BTBD16: variants seen among roughly 807,000 people sequenced by gnomAD.
BTBD16 encodes BTB domain containing 16.
BTBD16 carries 66 observed loss-of-function variants against 67.4 expected under a neutral mutation model. The ratio of observed to expected loss-of-function variants is 0.98; its 90% CI spans 0.80 to 1.20. BTBD16 has a LOEUF of 1.20. BTBD16 is among the 50% of genes most tolerant of loss of function. The pLI is 0.00. For synonymous variants in BTBD16, 242 were observed against 236.4 expected, an observed-to-expected ratio of 1.02 and a Z score of -0.22; for missense variants, 634 against 616.0, an observed-to-expected ratio of 1.03 and a Z score of -0.31.
intron 7 of BTBD16, among the ~76,000 whole-genome samples, chr10:122,292,676 T>G (rs1283259055): frequency 6.6e-6 from 1 of 152,230 alleles, no homozygotes; most frequent in Non-Finnish European, 1.5e-5. Flanking sequence ...AAGGACAACT[T>G]CTTAGGCTCC....
At chr10:122,305,770 A>G (rs925728637) in intron 9 of BTBD16, among the ~76,000 whole-genome samples, 1 of 152,150 alleles carries the variant, frequency 6.6e-6, no homozygotes, top group African/African-American at 2.4e-5. Flanking sequence ...CCCTGTGTCT[A>G]TTGTTCCCTT....
chr10:122,290,725 A>G (rs2096372373), intron 6 of BTBD16, among the ~76,000 whole-genome samples: 1 of 152,114 alleles, frequency 6.6e-6, no homozygotes, highest in South Asian at 2.1e-4. Context: ...TCCAGAAAAA[A>G]AAAATACACG....
chr10:122,330,785 C>T (rs2096453863), intron 11 of BTBD16, among the ~76,000 whole-genome samples: 1 of 152,054 alleles, frequency 6.6e-6, no homozygotes, highest in Non-Finnish European at 1.5e-5. Flanking sequence ...CTGGAGTGCA[C>T]TGGTGCAATC....
chr10:122,333,056 T>C, intron 13 of BTBD16: 3 of 646,642 alleles, frequency 4.6e-6, no homozygotes, highest in Non-Finnish European at 5.8e-6. Flanking sequence ...CCATGCTGGG[T>C]TCCCTGTGAT....
chr10:122,326,276 G>A (rs1176699408), intron 10 of BTBD16, among the ~76,000 whole-genome samples: 1 of 151,950 alleles, frequency 6.6e-6, no homozygotes, highest in Non-Finnish European at 1.5e-5. Flanking sequence ...TCGCATTGTT[G>A]TGCAGCCATC....
At position 122,286,127 on chromosome 10, in the gene BTBD16, C is replaced by A. The variant is rs1241031381; in HGVS notation, c.264C>A (p.Gly88=). 6.2e-7 allele frequency: 1 copy of A among 1,613,680 alleles called. No individual in the cohort carries two copies. Among genetic ancestry groups the A allele is most frequent in the Admixed American group, 1.7e-5 (1 of 59,986 alleles). Residue 88 remains glycine (G), a synonymous_variant, in exon 5 of 16, where the codon GGC becomes GGA. Transcript: ENST00000260723. ...GEADVILECL[G]FKWELHQPQL... is the part of the protein sequence containing the mutation. ...CAGATGTGATTCTCGAGTGCCTGGG[C>A]TTCAAATGGGAGCTCCATCAGCCCC...
At chr10:122,329,215 A>T (rs995775347) in intron 10 of BTBD16, among the ~76,000 whole-genome samples, 2 of 152,164 alleles carry the variant, frequency 1.3e-5, no homozygotes, top group Non-Finnish European at 2.9e-5. Flanking sequence ...TTTATCGAGC[A>T]CCTACTATGT....
intron 10 of BTBD16, among the ~76,000 whole-genome samples, chr10:122,326,104 A>C (rs1434436272): frequency 2.0e-5 from 3 of 151,926 alleles, no homozygotes; most frequent in Non-Finnish European, 4.4e-5. Flanking sequence ...ATTTTTTTCA[A>C]ACGTTGTCTT....
chr10:122,284,029 A>G lies in BTBD16; in HGVS notation c.241+105A>G, dbSNP rs146964918. On this transcript the variant is annotated intron_variant, in intron 4 of 15. Transcript: ENST00000260723. ...AGTCCATAAACCAGGGCGCTAGTGTATAAGTTGCAATTCTCATCCACTTCC... is the reference window on the plus strand; with the variant it reads ...AGTCCATAAACCAGGGCGCTAGTGTGTAAGTTGCAATTCTCATCCACTTCC... The G allele has an allele frequency of 6.5e-3, 5,184 of 794,214 alleles. 265 individuals are homozygous for G. The Admixed American group carries it at 0.093, about 14-fold the overall frequency. The allele number at this position is 794,214 out of a possible 1,614,324, so 49.2% of individuals were successfully genotyped here.
intron 3 of BTBD16, among the ~76,000 whole-genome samples, chr10:122,281,399 GAGATTT>G (rs912149240): frequency 6.6e-6 from 1 of 151,912 alleles, no homozygotes; most frequent in African/African-American, 2.4e-5. Flanking sequence ...TTTTTTTAAA[GAGATTT>G]AGAGATGAGG....
intron 9 of BTBD16, among the ~76,000 whole-genome samples, chr10:122,303,966 A>T (rs1207363350): frequency 6.6e-6 from 1 of 152,198 alleles, no homozygotes; most frequent in Non-Finnish European, 1.5e-5. Context: ...CAGGATTCTG[A>T]TTCGTGGAGC....
At chr10:122,287,811 G>C (rs374987158) in intron 5 of BTBD16, among the ~76,000 whole-genome samples, 4 of 152,220 alleles carry the variant, frequency 2.6e-5, no homozygotes, top group African/African-American at 9.6e-5. Context: ...AGGAGCAGCT[G>C]TCCTGGAGAG....
intron 6 of BTBD16, among the ~76,000 whole-genome samples, chr10:122,290,417 T>G (rs1564968534): frequency 6.6e-6 from 1 of 152,142 alleles, no homozygotes; most frequent in Non-Finnish European, 1.5e-5. Flanking sequence ...CAACTTGGGC[T>G]CACTCTCTCC....
intron 10 of BTBD16, among the ~76,000 whole-genome samples, chr10:122,326,879 CAG>C (rs1191777871): frequency 6.6e-6 from 1 of 152,182 alleles, no homozygotes; most frequent in East Asian, 1.9e-4. Context: ...TTTGCACAAA[CAG>C]AGCGCAGTAC....
intron 7 of BTBD16, among the ~76,000 whole-genome samples, chr10:122,296,950 CTGTTTCCGCTTCTTG>C (rs1352888775): frequency 1.3e-5 from 2 of 152,222 alleles, no homozygotes; most frequent in Non-Finnish European, 2.9e-5. Flanking sequence ...TTTGCACATG[CTGTTTCCGCTTCTTG>C]GAATGCTGGT....
At chr10:122,328,940 C>A in intron 10 of BTBD16, 1 of 574,140 alleles carries the variant, frequency 1.7e-6, no homozygotes, top group Non-Finnish European at 2.2e-6. Context: ...CCCCACACAG[C>A]CGTTCTCTTC....
chr10:122,291,349 G>A, intron 7 of BTBD16, 155 bp downstream of exon 7: 1 of 975,184 alleles, frequency 1.0e-6, no homozygotes, highest in Non-Finnish European at 1.4e-6. Context: ...AAGGAACTGA[G>A]ACACTAATTC....
At chr10:122,315,613 C>T (rs10788278) in intron 10 of BTBD16, among the ~76,000 whole-genome samples, 94,142 of 152,038 alleles carry the variant, frequency 0.62, 30,592 homozygotes, top group East Asian at 0.87. Flanking sequence ...TTTGGAAGAA[C>T]TTTTCAGTGA....
intron 10 of BTBD16, among the ~76,000 whole-genome samples, chr10:122,319,145 A>G (rs997591139): frequency 5.3e-5 from 8 of 152,206 alleles, no homozygotes; most frequent in Admixed American, 1.3e-4. Context: ...TCAGATACAT[A>G]TTTCGTAGAT....
Sources: gnomAD v4.1 joint callset for allele counts (sites outside exome capture counted in the v4.1 genomes callset) on GRCh38, gnomAD v4.1.1 for gene constraint, MANE v1.5 for transcripts, NCBI Gene and HGNC (gene_info 2026-07-23, HGNC 2026-07-21) for gene names.